FAM13A: variants seen among roughly 807,000 people sequenced by gnomAD.
The protein encoded by FAM13A is protein FAM13A.
In FAM13A, 76 loss-of-function variants were observed where a neutral mutation model predicts 129.6. The observed-to-expected ratio is 0.59, with a 90% confidence interval of 0.49 to 0.71. FAM13A has a LOEUF of 0.71. FAM13A is among the 30% of genes least tolerant of loss of function. The probability of loss-of-function intolerance (pLI) is 0.00; values close to 1 mark genes in which losing one functional copy is unlikely to be tolerated. For missense variants in FAM13A, 1,108 were observed against 1,249.3 expected (o/e 0.89, Z 1.70); for synonymous variants, 443 against 449.9 (o/e 0.98, Z 0.20).
At chr4:88,798,338 A>G (rs1726667583) in intron 8 of FAM13A, among the ~76,000 whole-genome samples, 1 of 152,220 alleles carries the variant, frequency 6.6e-6, no homozygotes, top group Non-Finnish European at 1.5e-5. Flanking sequence ...TGAGCATCCC[A>G]GGAGAAGAAT....
chr4:88,999,429 T>C (rs185525100), intron 3 of FAM13A, among the ~76,000 whole-genome samples: 1 of 152,268 alleles, frequency 6.6e-6, no homozygotes, highest in East Asian at 1.9e-4. Flanking sequence ...ACAAACAGCA[T>C]ATAGGACAGA....
chr4:88,776,322 T>C (rs1156569345), intron 11 of FAM13A, among the ~76,000 whole-genome samples: 1 of 152,174 alleles, frequency 6.6e-6, no homozygotes, highest in Admixed American at 6.5e-5. Flanking sequence ...TGAAGGGCGG[T>C]ACAGTGGAAT....
At chr4:88,735,217 T>A (rs1449067034) in intron 21 of FAM13A, among the ~76,000 whole-genome samples, 1 of 152,188 alleles carries the variant, frequency 6.6e-6, no homozygotes, top group African/African-American at 2.4e-5. Flanking sequence ...AAACTAAGCC[T>A]ATGGGATAGA....
At chr4:88,880,456 C>T (rs1268697103) in intron 6 of FAM13A, among the ~76,000 whole-genome samples, 1 of 151,868 alleles carries the variant, frequency 6.6e-6, no homozygotes. Flanking sequence ...ACAGGGAAGC[C>T]ATTTCTGACT....
At position 89,002,041 on chromosome 4, in the gene FAM13A, G is replaced by A. The variant is rs572290345; in HGVS notation, c.428-10891C>T. 4.6e-5 allele frequency among the ~76,000 whole-genome samples: 7 copies of A among 151,764 alleles called. No individual in the cohort carries two copies. The East Asian group carries it at 1.4e-3, about 29-fold the overall frequency. ...TCTCATTTAAAATCAAATATGGGTT[G>A]TGGGGGTAAAAAAAAAAGGCAAGGG... On this transcript the variant is annotated intron_variant, in intron 3 of 23. Coordinates refer to ENST00000264344, the MANE Select transcript of FAM13A (RefSeq NM_014883.4).
At chr4:89,041,273 A>G (rs1182759751) in intron 1 of FAM13A, among the ~76,000 whole-genome samples, 1 of 152,220 alleles carries the variant, frequency 6.6e-6, no homozygotes, top group East Asian at 1.9e-4. Flanking sequence ...TAAATACTTG[A>G]GGTGATCAAG....
intron 7 of FAM13A, among the ~76,000 whole-genome samples, chr4:88,850,568 T>C (rs1051065085): frequency 2.0e-5 from 3 of 151,716 alleles, no homozygotes; most frequent in Non-Finnish European, 2.9e-5. Flanking sequence ...AAAAAAAAAA[T>C]TGCAGTTTTT....
intron 6 of FAM13A, among the ~76,000 whole-genome samples, chr4:88,868,361 GGA>G (rs1446603332): frequency 6.6e-6 from 1 of 152,172 alleles, no homozygotes; most frequent in East Asian, 1.9e-4. Flanking sequence ...ACTTGGATCT[GGA>G]AGTCATCCCT....
rs146782712 is a variant in FAM13A at position 88,946,724 on chromosome 4, G to C, written c.606-8483C>G. 9.2e-5 allele frequency among the ~76,000 whole-genome samples: 14 copies of C among 151,596 alleles called. No homozygotes were observed. In the East Asian group the frequency reaches 2.7e-3, roughly 29 times the overall value. On this transcript the variant is annotated intron_variant, in intron 4 of 23. Coordinates refer to ENST00000264344, the MANE Select transcript of FAM13A (RefSeq NM_014883.4). ...TTTTTTTATTTATTTGATTTTAGTT[G>C]GTTTGGTTTATAAGGACTCTGGCTA...
intron 1 of FAM13A, among the ~76,000 whole-genome samples, chr4:89,032,106 T>C (rs1768766948): frequency 6.6e-6 from 1 of 152,054 alleles, no homozygotes; most frequent in Non-Finnish European, 1.5e-5. Context: ...TAGCCGGACA[T>C]GGTGGTGGGC....
At chr4:88,830,711 G>A (rs530709528) in intron 7 of FAM13A, among the ~76,000 whole-genome samples, 3 of 152,208 alleles carry the variant, frequency 2.0e-5, no homozygotes, top group African/African-American at 7.2e-5. Flanking sequence ...GGCTCACAGT[G>A]TTCATTCATT....
At chr4:88,959,741 T>A (rs1758333212) in intron 4 of FAM13A, among the ~76,000 whole-genome samples, 1 of 152,214 alleles carries the variant, frequency 6.6e-6, no homozygotes, top group African/African-American at 2.4e-5. Context: ...TATCTCAAGA[T>A]CTTTTACTTA....
At chr4:88,902,650 T>C (rs1334200898) in intron 6 of FAM13A, among the ~76,000 whole-genome samples, 2 of 152,162 alleles carry the variant, frequency 1.3e-5, no homozygotes, top group African/African-American at 4.8e-5. Context: ...ACAGCCAGTA[T>C]CATACTGAAT....
At chr4:89,024,343 T>C (rs1237473458) in intron 2 of FAM13A, among the ~76,000 whole-genome samples, 1 of 152,048 alleles carries the variant, frequency 6.6e-6, no homozygotes, top group African/African-American at 2.4e-5. Context: ...AAAGAAGCCG[T>C]TAACATTGTC....
chr4:88,878,555 A>C (rs903640224), intron 6 of FAM13A, among the ~76,000 whole-genome samples: 1 of 152,194 alleles, frequency 6.6e-6, no homozygotes, highest in Non-Finnish European at 1.5e-5. Context: ...TATATTCTAC[A>C]AATAGAACTT....
chr4:88,758,656 C>A, intron 14 of FAM13A, 98 bp downstream of exon 14: 1 of 1,266,448 alleles, frequency 7.9e-7, no homozygotes. Flanking sequence ...ATGCATAGCT[C>A]TTTCACCCAC....
intron 2 of FAM13A, among the ~76,000 whole-genome samples, chr4:89,021,808 G>T: frequency 6.6e-6 from 1 of 152,188 alleles, no homozygotes; most frequent in East Asian, 1.9e-4. Flanking sequence ...TTGGTAACTT[G>T]GTTCAAAAGG....
chr4:88,776,972 TCAAACAAACAAA>T (rs373186617), intron 11 of FAM13A, among the ~76,000 whole-genome samples: 1 of 151,834 alleles, frequency 6.6e-6, no homozygotes, highest in Non-Finnish European at 1.5e-5. Context: ...AAACTCCATC[TCAAACAAACAAA>T]CAAACAAACA....
At chr4:89,031,055 A>G (rs73845234) in intron 1 of FAM13A, among the ~76,000 whole-genome samples, 3,448 of 152,280 alleles carry the variant, frequency 0.023, 117 homozygotes, top group African/African-American at 0.076. Flanking sequence ...GGTAGCTACT[A>G]TGGAGTAGTA....
Sources: allele counts gnomAD v4.1 joint callset (sites outside exome capture counted in the v4.1 genomes callset), GRCh38; gene constraint gnomAD v4.1.1; transcripts MANE v1.5; gene names NCBI Gene and HGNC (gene_info 2026-07-23, HGNC 2026-07-21).